The following EHBP1 variants were observed in gnomAD, a reference collection of about 807,000 sequenced individuals.
EHBP1 encodes the protein EH domain-binding protein 1.
A neutral mutation model predicts 144.0 loss-of-function variants in EHBP1; 55 were observed. That is an observed-to-expected ratio of 0.38 (90% confidence interval 0.31 to 0.48). EHBP1 has a LOEUF of 0.48. Ranked by LOEUF, EHBP1 falls within the 20% of genes least tolerant of loss-of-function variation. EHBP1 has a pLI of 0.98. For missense variants in EHBP1, 1,200 were observed against 1,364.2 expected, an observed-to-expected ratio of 0.88 and a Z score of 1.90; for synonymous variants, 469 against 472.7, an observed-to-expected ratio of 0.99 and a Z score of 0.10.
At chr2:63,037,401 C>G in intron 19 of EHBP1, 134 bp from the exon 20 acceptor site, 1 of 572,542 alleles carries the variant, frequency 1.7e-6, no homozygotes, top group Non-Finnish European at 3.0e-6. Flanking sequence ...TAGACTTTAA[C>G]CTTCTTATAA....
chr2:62,969,418 G>A (rs896212200), intron 14 of EHBP1, among the ~76,000 whole-genome samples: 20 of 152,098 alleles, frequency 1.3e-4, no homozygotes, highest in African/African-American at 2.4e-5. Context: ...AAGAATACTT[G>A]CTGTATCTTG....
chr2:62,694,157 A>G (rs895235788), intron 1 of EHBP1, among the ~76,000 whole-genome samples: 3 of 152,234 alleles, frequency 2.0e-5, no homozygotes, highest in Admixed American at 2.0e-4. Flanking sequence ...ATTGCAAGTC[A>G]TGGGTATCAC....
At chr2:62,749,102 T>G (rs987352856) in intron 3 of EHBP1, among the ~76,000 whole-genome samples, 1 of 152,228 alleles carries the variant, frequency 6.6e-6, no homozygotes, top group Non-Finnish European at 1.5e-5. Context: ...GTCATTTATA[T>G]TAGGTATATC....
In EHBP1 at chr2:62,859,239, T is replaced by G. The variant is rs1286158600; in HGVS notation, c.705T>G (p.Phe235Leu). 4 of 1,612,274 alleles carry G rather than the reference T, an allele frequency of 2.5e-6. No homozygotes were observed. In the South Asian group the frequency reaches 4.4e-5, roughly 18 times the overall value. The change falls in exon 8 of 23, where the codon TTT (phenylalanine) becomes TTG (leucine). Residue 235 changes from phenylalanine to leucine, a missense_variant. By Grantham distance (22) the Phe-to-Leu change is conservative. Around this residue, in one of 6 missense-constraint regions of EHBP1, gnomAD observed 266 missense variants for 262.4 expected, o/e 1.01. Transcript: ENST00000431489. ...TGGCCACCGTGAATTCAAATCCATT[T>G]GATGATCCTGATGCTGCAGAATTAA... ...KDLATVNSNP[F>L]DDPDAAELNP...
intron 2 of EHBP1, among the ~76,000 whole-genome samples, chr2:62,742,145 G>T (rs1388480047): frequency 6.6e-6 from 1 of 152,116 alleles, no homozygotes; most frequent in African/African-American, 2.4e-5. Flanking sequence ...AGGTTGTACT[G>T]TCTAGGTTTG....
At chr2:62,961,771 A>G (rs933079662) in intron 14 of EHBP1, among the ~76,000 whole-genome samples, 5 of 152,200 alleles carry the variant, frequency 3.3e-5, no homozygotes, top group African/African-American at 1.2e-4. Context: ...TAAAAAGCTA[A>G]TCTGGCCTGT....
chr2:62,834,898 G>T (rs925157735), intron 7 of EHBP1, among the ~76,000 whole-genome samples: 1 of 152,180 alleles, frequency 6.6e-6, no homozygotes, highest in African/African-American at 2.4e-5. Flanking sequence ...TATAGACAGG[G>T]TTCCTGGAAG....
In EHBP1 at chr2:62,865,014, T is replaced by C. The variant is rs539351652; in HGVS notation, c.998+43T>C. On this transcript the variant is annotated intron_variant, in intron 9 of 22. Transcript: ENST00000431489. ...TGCTGTCATCACAAGTTAGTCTCTATGTTACCTAAAGAGATCCTTTTGTAA... is the reference window on the plus strand; with the variant it reads ...TGCTGTCATCACAAGTTAGTCTCTACGTTACCTAAAGAGATCCTTTTGTAA... 8 of 1,598,994 alleles carry C rather than the reference T, an allele frequency of 5.0e-6. No individual in the cohort carries two copies. The African/African-American group carries it at 6.7e-5, about 13-fold the overall frequency.
At chr2:62,955,267 GT>G (rs1333526469) in intron 13 of EHBP1, among the ~76,000 whole-genome samples, 1 of 152,028 alleles carries the variant, frequency 6.6e-6, no homozygotes, top group African/African-American at 2.4e-5. Flanking sequence ...ATGAGAATAT[GT>G]TCTAATAAAA....
At chr2:62,796,209 C>T (rs908682297) in intron 5 of EHBP1, among the ~76,000 whole-genome samples, 1 of 152,018 alleles carries the variant, frequency 6.6e-6, no homozygotes, top group Non-Finnish European at 1.5e-5. Flanking sequence ...GTACTGACTT[C>T]AGTCCTTTTT....
At chr2:62,841,465 A>C (rs555705430) in intron 7 of EHBP1, among the ~76,000 whole-genome samples, 353 of 152,200 alleles carry the variant, frequency 2.3e-3, no homozygotes, top group African/African-American at 8.1e-3. Context: ...CAATGTGCAC[A>C]TGTACCCTAA....
At chr2:62,787,388 A>G (rs930798633) in intron 5 of EHBP1, among the ~76,000 whole-genome samples, 25 of 74,698 alleles carry the variant, frequency 3.3e-4, no homozygotes, top group Non-Finnish European at 6.2e-4. Flanking sequence ...CCCACACTGC[A>G]CCGCTGCCCC....
chr2:62,734,762 T>C (rs377249894), intron 2 of EHBP1, among the ~76,000 whole-genome samples: 2 of 152,194 alleles, frequency 1.3e-5, no homozygotes, highest in African/African-American at 4.8e-5. Context: ...TGTGCGTGCA[T>C]GTGTGTGTTT....
chr2:63,042,818 AT>A (rs1184230806), intron 21 of EHBP1, among the ~76,000 whole-genome samples: 1 of 152,000 alleles, frequency 6.6e-6, no homozygotes, highest in Non-Finnish European at 1.5e-5. Flanking sequence ...AGAAGGAATA[AT>A]TAAGAAAATT....
intron 1 of EHBP1, among the ~76,000 whole-genome samples, chr2:62,676,467 C>T (rs897185802): frequency 1.3e-5 from 2 of 152,176 alleles, no homozygotes; most frequent in African/African-American, 2.4e-5. Context: ...TAAAAAATGG[C>T]CAGTGATGGT....
At chr2:62,921,133 T>A (rs1667820767) in intron 10 of EHBP1, among the ~76,000 whole-genome samples, 1 of 152,194 alleles carries the variant, frequency 6.6e-6, no homozygotes, top group Admixed American at 6.5e-5. Flanking sequence ...AATTACAGTG[T>A]TATAATTTTA....
rs1247137689 is a variant in EHBP1 at position 63,018,310 on chromosome 2, TATC to T, written c.3104-19222_3104-19220del. Among the ~76,000 whole-genome samples the T allele has an allele frequency of 4.6e-5, 7 of 152,370 alleles. No homozygotes were observed. The East Asian group carries it at 5.8e-4, about 13-fold the overall frequency. On this transcript the variant is annotated intron_variant, in intron 19 of 22. Coordinates refer to ENST00000431489, the MANE Select transcript of EHBP1 (RefSeq NM_001142616.3). ...TCTGTAGTTACAAGGAAAATTAAAA[TATC>T]ATACTTTCAAGTCTTCTTTATTCTC...
At position 63,045,168 on chromosome 2, in the gene EHBP1, C is replaced by T; in HGVS notation, c.3380C>T (p.Ala1127Val). 6.3e-7 allele frequency: 1 copy of T among 1,588,028 alleles called. No homozygotes were observed. Among genetic ancestry groups the T allele is most frequent in the Non-Finnish European group, 8.6e-7 (1 of 1,166,506 alleles). ...KRDALVRDLD[A>V]QEKQAEEEDE... The stretch of plus-strand genomic sequence containing the variant: ...GATGCGCTCGTCAGGGACCTGGACG[C>T]GCAGGAGAAGCAGTGAGTGGGCAGT... The change falls in exon 22 of 23, where the codon GCG (alanine) becomes GTG (valine). Residue 1127 changes from alanine (A) to valine (V), a missense_variant. Ala to Val is a moderately conservative substitution (Grantham distance 64). Around this residue, in one of 6 missense-constraint regions of EHBP1, gnomAD observed 149 missense variants for 217.0 expected, o/e 0.69. Coordinates refer to ENST00000431489, the MANE Select transcript of EHBP1 (RefSeq NM_001142616.3). The surrounding 1 kb of genome is among the most constrained non-coding windows in gnomAD (Gnocchi z 5.7).
intron 19 of EHBP1, among the ~76,000 whole-genome samples, chr2:63,005,119 T>G (rs898580734): frequency 6.6e-6 from 1 of 152,114 alleles, no homozygotes; most frequent in African/African-American, 2.4e-5. Context: ...TCCTTCCAGA[T>G]GGAGAGTTAT....
Sources: gnomAD v4.1 joint callset for allele counts (sites outside exome capture counted in the v4.1 genomes callset) on GRCh38, gnomAD v4.1.1 for gene constraint, gnomAD v4.1.1 regional missense constraint, Gnocchi (gnomAD v3.1) non-coding constraint, MANE v1.5 for transcripts, NCBI Gene and HGNC (gene_info 2026-07-23, HGNC 2026-07-21) for gene names.